Variants in BCR observed in about 807,000 individuals in gnomAD.
BCR encodes the protein BCR activator of RhoGEF and GTPase.
BCR carries 58 observed loss-of-function variants against 138.6 expected under a neutral mutation model. The observed-to-expected ratio is 0.42, with a 90% CI of 0.34 to 0.52. The LOEUF is 0.52. Among genes scored for constraint, BCR ranks in the 20% least tolerant of loss-of-function variants. BCR has a pLI of 0.06. For synonymous variants in BCR, 786 were observed against 730.1 expected, an observed-to-expected ratio of 1.08 and a Z score of -1.23; for missense variants, 1,599 against 1,727.2, an observed-to-expected ratio of 0.93 and a Z score of 1.32.
intron 16 of BCR, among the ~76,000 whole-genome samples, chr22:23,296,373 CAAAAAAAAAAA>C (rs996139532): frequency 1.8e-5 from 1 of 56,686 alleles, no homozygotes; most frequent in African/African-American, 6.3e-5. Flanking sequence ...GAGTCCGTCT[CAAAAAAAAAAA>C]AAAAAAAAAA....
At chr22:23,281,339 G>A (rs146883563) in intron 8 of BCR, among the ~76,000 whole-genome samples, 5 of 152,328 alleles carry the variant, frequency 3.3e-5, no homozygotes, top group African/African-American at 9.6e-5. Context: ...GCCGGCTTTG[G>A]GATGCAGTCA....
At chr22:23,298,345 T>G (rs1225799477) in intron 16 of BCR, among the ~76,000 whole-genome samples, 1 of 152,038 alleles carries the variant, frequency 6.6e-6, no homozygotes. Flanking sequence ...CTTAGCAGGA[T>G]TCTTGCAAAA....
At chr22:23,198,226 G>A (rs1320659574) in intron 1 of BCR, 1 of 429,988 alleles carries the variant, frequency 2.3e-6, no homozygotes, top group Non-Finnish European at 4.6e-6. Context: ...CAGGGAGGAG[G>A]TGGGTGGGGA....
intron 1 of BCR, chr22:23,198,245 T>G: frequency 4.5e-6 from 2 of 440,146 alleles, no homozygotes; most frequent in Admixed American, 2.6e-5. Context: ...GATTCAGGAT[T>G]AGGGTCCGAG....
At chr22:23,306,250 G>T (rs112660165) in intron 16 of BCR, 1 of 152,396 alleles carries the variant, frequency 6.6e-6, no homozygotes, top group Non-Finnish European at 1.5e-5. Context: ...TCAGTACCAG[G>T]TTGGAGTGGG....
chr22:23,221,550 T>C (rs2072824765), intron 1 of BCR, among the ~76,000 whole-genome samples: 1 of 152,238 alleles, frequency 6.6e-6, no homozygotes, highest in South Asian at 2.1e-4. Context: ...GCCCCATTCC[T>C]GCACCTCCAT....
At chr22:23,203,208 C>G (rs1366787917) in intron 1 of BCR, among the ~76,000 whole-genome samples, 1 of 152,170 alleles carries the variant, frequency 6.6e-6, no homozygotes, top group Non-Finnish European at 1.5e-5. Context: ...TGGGGTGGGC[C>G]TCTGTCACTG....
intron 4 of BCR, chr22:23,263,341 T>C: frequency 8.4e-7 from 1 of 1,195,730 alleles, no homozygotes; most frequent in Non-Finnish European, 1.2e-6. Flanking sequence ...CGGCGCCAGA[T>C]AGCCTGGGCC....
At chr22:23,238,514 A>G (rs968453360) in intron 1 of BCR, among the ~76,000 whole-genome samples, 4 of 152,032 alleles carry the variant, frequency 2.6e-5, no homozygotes, top group African/African-American at 4.8e-5. Flanking sequence ...CCTCCTTCTT[A>G]GCTGTGGAGC....
At chr22:23,261,890 T>C (rs184373980) in intron 4 of BCR, 1 of 170,972 alleles carries the variant, frequency 5.8e-6, no homozygotes, top group East Asian at 1.8e-4. Context: ...TTTCCAACCT[T>C]GGCTGTTTCA....
In BCR at chr22:23,180,818, TGG is replaced by T; in HGVS notation, c.-141_-140del. 1 of 307,240 alleles carries T rather than the reference TGG, an allele frequency of 3.3e-6. No individual in the cohort carries two copies. Among genetic ancestry groups the T allele is most frequent in the Non-Finnish European group, 4.6e-6 (1 of 216,482 alleles). 19.0% of individuals were successfully genotyped at this position (307,240 alleles called of 1,614,324 possible). On this transcript the variant is annotated 5_prime_UTR_variant, in exon 1 of 23. Transcript: ENST00000305877. ...CTCCGCCTCACCTGCCACCAGGGAGTGGGCGGGCATTGTTCGCCGCCGCCGCC... is the reference window on the plus strand; with the variant it reads ...CTCCGCCTCACCTGCCACCAGGGAGTGCGGGCATTGTTCGCCGCCGCCGCC...
intron 1 of BCR, among the ~76,000 whole-genome samples, chr22:23,198,638 G>C (rs1350369386): frequency 6.6e-6 from 1 of 152,170 alleles, no homozygotes; most frequent in Non-Finnish European, 1.5e-5. Context: ...GTGATGCTGG[G>C]CACCATGCTG....
intron 1 of BCR, among the ~76,000 whole-genome samples, chr22:23,218,388 C>G (rs866352251): frequency 6.6e-5 from 10 of 152,238 alleles, no homozygotes; most frequent in Non-Finnish European, 1.3e-4. Flanking sequence ...AGCTCTTAAT[C>G]AGACAATATC....
At chr22:23,197,742 G>T (rs966942745) in intron 1 of BCR, among the ~76,000 whole-genome samples, 1 of 152,158 alleles carries the variant, frequency 6.6e-6, no homozygotes, top group African/African-American at 2.4e-5. Context: ...GCTTTGCCTT[G>T]GGAAGGTGAG....
chr22:23,208,414 A>G (rs1479293068), intron 1 of BCR, among the ~76,000 whole-genome samples: 3 of 110,044 alleles, frequency 2.7e-5, no homozygotes, highest in East Asian at 3.7e-4. Context: ...ATTTGATTTT[A>G]TGTTTTTTTT....
At position 23,250,159 on chromosome 22, in the gene BCR, C is replaced by T. The variant is rs1272010843; in HGVS notation, c.1280-3640C>T. 2.0e-5 allele frequency among the ~76,000 whole-genome samples: 3 copies of T among 152,212 alleles called. No homozygotes were observed. The East Asian group carries it at 5.8e-4, about 29-fold the overall frequency. On this transcript the variant is annotated intron_variant, in intron 1 of 22. Coordinates refer to ENST00000305877, the MANE Select transcript of BCR (RefSeq NM_004327.4). ...AGTCTTACAGTTACTCTGAAGCAAG[C>T]CCTGGGACCCCGAATCTGACCCCGA...
chr22:23,304,099 A>ATTTT (rs56805241), intron 16 of BCR, among the ~76,000 whole-genome samples: 78 of 102,182 alleles, frequency 7.6e-4, no homozygotes, highest in African/African-American at 2.7e-3. Context: ...ATGCCAGGCT[A>ATTTT]TTTTTTTTTT....
rs567105810 is a variant in BCR, at chr22:23,257,578, A to C, written c.1462-3372A>C. ...GCCCAAGGGACCCACCATTCCCTTC[A>C]CCTCTTCTCCTCTTGTGGAGCAGGG... On this transcript the variant is annotated intron_variant, in intron 2 of 22. Transcript: ENST00000305877. 2.3e-3 allele frequency among the ~76,000 whole-genome samples: 343 copies of C among 152,232 alleles called. 1 individual carries two copies. The highest frequency in any genetic ancestry group is 3.6e-3 in the Non-Finnish European group (246 of 67,986).
chr22:23,304,569 G>A (rs148409618), intron 16 of BCR, among the ~76,000 whole-genome samples: 63 of 152,262 alleles, frequency 4.1e-4, no homozygotes, highest in Middle Eastern at 3.4e-3. Context: ...CTATATGGAC[G>A]TATGTTTTCA....
Sources: allele counts gnomAD v4.1 joint callset (sites outside exome capture counted in the v4.1 genomes callset), GRCh38; gene constraint gnomAD v4.1.1; transcripts MANE v1.5; gene names NCBI Gene and HGNC (gene_info 2026-07-23, HGNC 2026-07-21).